Variants in GPC5 observed in about 807,000 individuals in gnomAD.
The protein encoded by GPC5 is glypican 5.
A neutral mutation model predicts 53.9 loss-of-function variants in GPC5; 47 were observed. The observed-to-expected ratio is 0.87, with a 90% CI of 0.69 to 1.11. GPC5 has a LOEUF of 1.11. Among genes scored for constraint, GPC5 ranks in the 50% most tolerant of loss-of-function variants. The pLI is 0.00. For missense variants in GPC5, 748 were observed against 713.1 expected (o/e 1.05, Z -0.56); for synonymous variants, 286 against 263.3 (o/e 1.09, Z -0.84).
intron 7 of GPC5, among the ~76,000 whole-genome samples, chr13:92,644,868 A>C (rs929754117): frequency 8.5e-6 from 1 of 117,252 alleles, no homozygotes; most frequent in Non-Finnish European, 2.1e-5. Flanking sequence ...ATGGAAACCC[A>C]CAGATACTGT....
At chr13:91,943,566 A>C (rs1394549444) in intron 6 of GPC5, among the ~76,000 whole-genome samples, 2 of 152,192 alleles carry the variant, frequency 1.3e-5, no homozygotes, top group African/African-American at 4.8e-5. Flanking sequence ...ACATTTCATC[A>C]ATCAACTATT....
rs58237718 is a variant in GPC5 at position 92,206,042 on chromosome 13, C to CA, written c.1561+61074dup. Among the ~76,000 whole-genome samples the CA allele has an allele frequency of 4.4e-3, 400 of 90,118 alleles. 3 individuals are homozygous for CA. Among genetic ancestry groups the CA allele is most frequent in the East Asian group, 8.3e-3 (21 of 2,534 alleles). 59.1% of individuals were successfully genotyped at this position (90,118 alleles called of 152,430 possible). ...GCGCCATGGGAGCAAGACTCCATCT[C>CA]AAAAAAAAAAAAAAAAAAAAACCCA... On this transcript the variant is annotated intron_variant, in intron 7 of 7. Coordinates refer to ENST00000377067, the MANE Select transcript of GPC5 (RefSeq NM_004466.6).
intron 7 of GPC5, among the ~76,000 whole-genome samples, chr13:92,526,486 C>T (rs1046416941): frequency 1.3e-5 from 2 of 151,996 alleles, no homozygotes; most frequent in South Asian, 4.1e-4. Context: ...AAAAGTCAGA[C>T]AGGAGAGCAG....
At chr13:91,530,341 T>G (rs1018597181) in intron 2 of GPC5, among the ~76,000 whole-genome samples, 1 of 152,186 alleles carries the variant, frequency 6.6e-6, no homozygotes, top group Non-Finnish European at 1.5e-5. Context: ...CTTGGTAGGT[T>G]GAAATGAGCC....
intron 6 of GPC5, among the ~76,000 whole-genome samples, chr13:92,014,547 C>G (rs1318179319): frequency 3.3e-5 from 5 of 152,072 alleles, no homozygotes; most frequent in African/African-American, 1.2e-4. Context: ...CTAATGGAAT[C>G]TATTGCTTGA....
At chr13:92,609,411 G>T (rs1423279065) in intron 7 of GPC5, among the ~76,000 whole-genome samples, 1 of 152,070 alleles carries the variant, frequency 6.6e-6, no homozygotes. Context: ...TAGCAGGTTT[G>T]TTCTAAGATT....
intron 7 of GPC5, among the ~76,000 whole-genome samples, chr13:92,600,745 G>T (rs1884024977): frequency 6.6e-6 from 1 of 151,486 alleles, no homozygotes; most frequent in African/African-American, 2.4e-5. Context: ...GACCTCAGGT[G>T]ATGCACACAC....
At chr13:91,402,389 T>G (rs1051435395) in intron 1 of GPC5, among the ~76,000 whole-genome samples, 3 of 152,212 alleles carry the variant, frequency 2.0e-5, no homozygotes, top group Admixed American at 1.3e-4. Flanking sequence ...TGTTGTTGTT[T>G]TTTAAACTGC....
intron 7 of GPC5, among the ~76,000 whole-genome samples, chr13:92,205,873 C>T (rs1381603153): frequency 6.6e-6 from 1 of 151,852 alleles, no homozygotes; most frequent in Non-Finnish European, 1.5e-5. Context: ...ATGGCGAAAG[C>T]CCCGCTCTAC....
intron 7 of GPC5, among the ~76,000 whole-genome samples, chr13:92,206,915 G>T (rs1452991396): frequency 6.6e-6 from 1 of 152,022 alleles, no homozygotes; most frequent in African/African-American, 2.4e-5. Context: ...AAGATGGAAT[G>T]GTCTTCACCC....
chr13:91,868,712 A>G (rs2039111235), intron 5 of GPC5, among the ~76,000 whole-genome samples: 2 of 152,152 alleles, frequency 1.3e-5, no homozygotes, highest in African/African-American at 4.8e-5. Flanking sequence ...CTCAAAAAAG[A>G]ATTAGAGACA....
intron 7 of GPC5, among the ~76,000 whole-genome samples, chr13:92,335,127 CAT>C (rs1237517139): frequency 6.6e-6 from 1 of 152,140 alleles, no homozygotes; most frequent in African/African-American, 2.4e-5. Flanking sequence ...AGAGGTTCTC[CAT>C]GAGAGTTCCA....
At position 92,255,895 on chromosome 13, in the gene GPC5, A is replaced by T. The variant is rs192193715; in HGVS notation, c.1561+110906A>T. 4.3e-4 allele frequency among the ~76,000 whole-genome samples: 66 copies of T among 152,196 alleles called. No homozygotes were observed. The East Asian group carries it at 8.9e-3, about 20-fold the overall frequency. ...TGCTAGCTTTAAAAAATGAGTACAGAGTGTTTAGAAGGAAGGGAATGACTC... is the reference window on the plus strand; with the variant it reads ...TGCTAGCTTTAAAAAATGAGTACAGTGTGTTTAGAAGGAAGGGAATGACTC... On this transcript the variant is annotated intron_variant, in intron 7 of 7. Coordinates refer to ENST00000377067, the MANE Select transcript of GPC5 (RefSeq NM_004466.6).
intron 7 of GPC5, among the ~76,000 whole-genome samples, chr13:92,573,371 A>G (rs1356559132): frequency 6.6e-6 from 1 of 152,218 alleles, no homozygotes; most frequent in Non-Finnish European, 1.5e-5. Flanking sequence ...CAGTTATGAG[A>G]GAATTAAATT....
At chr13:91,720,549 C>T (rs962112364) in intron 3 of GPC5, among the ~76,000 whole-genome samples, 4 of 152,090 alleles carry the variant, frequency 2.6e-5, no homozygotes, top group Admixed American at 2.6e-4. Flanking sequence ...AAGAATCAGT[C>T]TTCAGCACTG....
intron 6 of GPC5, among the ~76,000 whole-genome samples, chr13:92,050,730 A>G (rs1176523304): frequency 6.6e-6 from 1 of 152,236 alleles, no homozygotes; most frequent in Admixed American, 6.5e-5. Flanking sequence ...TCTGTATAAT[A>G]GAATTTGATC....
chr13:92,713,535 G>A (rs1269070201), intron 7 of GPC5, among the ~76,000 whole-genome samples: 1 of 150,468 alleles, frequency 6.6e-6, no homozygotes, highest in African/African-American at 2.4e-5. Context: ...GTGAACCCAG[G>A]AGGCAGAGCT....
intron 7 of GPC5, among the ~76,000 whole-genome samples, chr13:92,546,920 G>T (rs570541871): frequency 2.2e-4 from 34 of 152,192 alleles, no homozygotes; most frequent in Non-Finnish European, 3.5e-4. Context: ...AATGGGGAAA[G>T]GATTCCCTAT....
At chr13:92,184,739 G>C (rs2042172100) in intron 7 of GPC5, among the ~76,000 whole-genome samples, 1 of 152,076 alleles carries the variant, frequency 6.6e-6, no homozygotes, top group African/African-American at 2.4e-5. Flanking sequence ...GATCACCTTA[G>C]TCTACCATAT....
Sources: allele counts gnomAD v4.1 joint callset (sites outside exome capture counted in the v4.1 genomes callset), GRCh38; gene constraint gnomAD v4.1.1; transcripts MANE v1.5; gene names NCBI Gene and HGNC (gene_info 2026-07-23, HGNC 2026-07-21).